RYR3: variants seen among roughly 807,000 people sequenced by gnomAD.
The protein encoded by RYR3 is brain ryanodine receptor-calcium release channel.
RYR3 carries 207 observed loss-of-function variants against 584.3 expected under a neutral mutation model. The ratio of observed to expected loss-of-function variants is 0.35; its 90% CI spans 0.32 to 0.40. The LOEUF (loss-of-function observed/expected upper bound fraction) is 0.40, where lower values mean the gene tolerates loss of function less well. Among genes scored for constraint, RYR3 ranks in the 10% least tolerant of loss-of-function variants. The pLI is 1.00. For missense variants in RYR3, 5,616 were observed against 6,089.2 expected, an observed-to-expected ratio of 0.92 and a Z score of 2.59; for synonymous variants, 2,416 against 2,248.5, an observed-to-expected ratio of 1.07 and a Z score of -2.11.
intron 20 of RYR3, among the ~76,000 whole-genome samples, chr15:33,627,903 A>G (rs904388115): frequency 6.6e-6 from 1 of 152,206 alleles, no homozygotes; most frequent in African/African-American, 2.4e-5. Context: ...GGTAGGTTTC[A>G]TGACTGATTA....
chr15:33,674,741 T>C (rs1010508889), intron 38 of RYR3, among the ~76,000 whole-genome samples: 4 of 148,824 alleles, frequency 2.7e-5, no homozygotes, highest in African/African-American at 9.9e-5. Context: ...AAATTGTCTG[T>C]GAAGAATGTA....
intron 15 of RYR3, 91 bp from the exon 16 acceptor site, chr15:33,585,907 A>G (rs2058825606): frequency 2.7e-6 from 2 of 737,370 alleles, no homozygotes; most frequent in Admixed American, 2.0e-5. Flanking sequence ...CTGTCCCCTC[A>G]GGAAGGACTG....
rs533301204 is a variant in RYR3 at position 33,330,644 on chromosome 15, A to G, written c.51+19548A>G. ...AAAGATTGACTAATACTATGCTCCC[A>G]GATAGTTGTATTTTAAAATCAGTCT... On this transcript the variant is annotated intron_variant, in intron 1 of 103. Transcript: ENST00000634891. Among the ~76,000 whole-genome samples the G allele has an allele frequency of 8.9e-4, 136 of 152,268 alleles. 1 individual carries two copies. Among genetic ancestry groups the G allele is most frequent in the African/African-American group, 3.2e-3 (135 of 41,552 alleles).
intron 16 of RYR3, among the ~76,000 whole-genome samples, chr15:33,598,185 CA>C (rs59290382): frequency 0.14 from 14,240 of 99,126 alleles, 898 homozygotes; most frequent in Middle Eastern, 0.22. Context: ...ATTTTAATTA[CA>C]AAAAAAAAAA....
chr15:33,500,230 G>A (rs2051844497), intron 2 of RYR3, among the ~76,000 whole-genome samples: 2 of 152,214 alleles, frequency 1.3e-5, no homozygotes, highest in South Asian at 4.1e-4. Flanking sequence ...GTACAACGGA[G>A]AGAGGTGATG....
chr15:33,589,076 A>G (rs1382054314), intron 16 of RYR3, among the ~76,000 whole-genome samples: 1 of 152,156 alleles, frequency 6.6e-6, no homozygotes, highest in Non-Finnish European at 1.5e-5. Flanking sequence ...ATTCCTACCA[A>G]CGTGTATAAG....
intron 43 of RYR3, among the ~76,000 whole-genome samples, chr15:33,715,175 A>AT (rs2067405240): frequency 6.6e-6 from 1 of 152,210 alleles, no homozygotes; most frequent in Admixed American, 6.5e-5. Flanking sequence ...TTTGAAGGGC[A>AT]TACAAGGTGT....
chr15:33,721,613 G>T (rs2067918873), intron 43 of RYR3, among the ~76,000 whole-genome samples: 1 of 152,020 alleles, frequency 6.6e-6, no homozygotes, highest in Admixed American at 6.5e-5. Flanking sequence ...TTGAGTTCAG[G>T]GATAAATTCT....
At chr15:33,534,369 C>T (rs2055143777) in intron 5 of RYR3, among the ~76,000 whole-genome samples, 1 of 152,208 alleles carries the variant, frequency 6.6e-6, no homozygotes, top group Non-Finnish European at 1.5e-5. Flanking sequence ...CCATTGCACC[C>T]CAGCCTGGGG....
intron 43 of RYR3, among the ~76,000 whole-genome samples, chr15:33,712,027 C>T (rs534652548): frequency 6.6e-6 from 1 of 152,166 alleles, no homozygotes; most frequent in African/African-American, 2.4e-5. Context: ...GCAGGCTTTA[C>T]AGGAAGCATG....
At chr15:33,333,987 A>C (rs1221587950) in intron 1 of RYR3, among the ~76,000 whole-genome samples, 1 of 152,184 alleles carries the variant, frequency 6.6e-6, no homozygotes, top group Non-Finnish European at 1.5e-5. Context: ...GAAGTGAAAG[A>C]TCTCTGCAAG....
chr15:33,811,206 A>T lies in RYR3; in HGVS notation c.10257+169A>T, dbSNP rs181388675. On this transcript the variant is annotated intron_variant, in intron 72 of 103. Coordinates refer to ENST00000634891, the MANE Select transcript of RYR3 (RefSeq NM_001036.6). ...CTCTCTCTTTTTTAAATTTTTTTTT[A>T]AAAATTTACTGGTACATGGCTGGGC... is the stretch of plus-strand genomic sequence containing the variant. 3.0e-3 allele frequency among the ~76,000 whole-genome samples: 460 copies of T among 152,130 alleles called. 1 individual carries two copies. The highest frequency in any genetic ancestry group is 0.011 in the African/African-American group (448 of 41,508).
At chr15:33,417,096 T>C (rs1400247007) in intron 1 of RYR3, among the ~76,000 whole-genome samples, 1 of 152,190 alleles carries the variant, frequency 6.6e-6, no homozygotes, top group Non-Finnish European at 1.5e-5. Context: ...ACTGTAGCCT[T>C]GTAGTATAGT....
chr15:33,509,334 G>T (rs1000766520), intron 3 of RYR3, among the ~76,000 whole-genome samples: 1 of 152,152 alleles, frequency 6.6e-6, no homozygotes, highest in African/African-American at 2.4e-5. Context: ...GTTCCTGTGT[G>T]CCTGCCAACA....
At chr15:33,776,132 C>T (rs191336333) in intron 64 of RYR3, among the ~76,000 whole-genome samples, 1 of 152,204 alleles carries the variant, frequency 6.6e-6, no homozygotes, top group East Asian at 1.9e-4. Flanking sequence ...GGAATCACTA[C>T]ATACTTGCTT....
chr15:33,858,376 G>T (rs1237269866), intron 99 of RYR3, among the ~76,000 whole-genome samples: 7 of 151,892 alleles, frequency 4.6e-5, no homozygotes, highest in Non-Finnish European at 1.0e-4. Context: ...GGCTAATTTT[G>T]TATTTTTTTT....
Position 33,548,187 on chromosome 15 carries a change from G to C in RYR3, c.798G>C (p.Val266=). The C allele has an allele frequency of 2.5e-6, 4 of 1,611,488 alleles. No homozygotes were observed. The highest frequency in any genetic ancestry group is 3.4e-6 in the Non-Finnish European group (4 of 1,178,454). ...AGTRARSLWR[V]EPLRISWSGS... ...CTCGAGCCAGGTCTCTTTGGAGAGT[G>C]GAACCCCTTCGGATAAGGTAATGGA... is the stretch of plus-strand genomic sequence containing the variant. The change falls in exon 9 of 104, where the codon GTG becomes GTC. Residue 266 remains valine, a synonymous_variant. Coordinates refer to ENST00000634891, the MANE Select transcript of RYR3 (RefSeq NM_001036.6).
intron 2 of RYR3, among the ~76,000 whole-genome samples, chr15:33,497,977 T>G (rs1174436549): frequency 6.6e-6 from 1 of 152,214 alleles, no homozygotes; most frequent in Non-Finnish European, 1.5e-5. Context: ...TTTCTTTTTG[T>G]GCCTAGCTTA....
intron 16 of RYR3, among the ~76,000 whole-genome samples, chr15:33,599,974 T>C (rs915241182): frequency 1.3e-5 from 2 of 152,174 alleles, no homozygotes; most frequent in Non-Finnish European, 2.9e-5. Context: ...CCCACAGCCA[T>C]CACTCCAAGG....
Sources: allele counts gnomAD v4.1 joint callset (sites outside exome capture counted in the v4.1 genomes callset), GRCh38; gene constraint gnomAD v4.1.1; transcripts MANE v1.5; gene names NCBI Gene and HGNC (gene_info 2026-07-23, HGNC 2026-07-21).